HEMK2: variants seen among roughly 807,000 people sequenced by gnomAD.
The protein encoded by HEMK2 is methyltransferase HEMK2.
the HEMK2 span, among the ~76,000 whole-genome samples, chr21:28,749,379 C>T: frequency 6.6e-6 from 1 of 152,062 alleles, no homozygotes; most frequent in African/African-American, 2.4e-5. Flanking sequence ...GTGGTAAATA[C>T]TATTATTATC....
the HEMK2 span, among the ~76,000 whole-genome samples, chr21:28,830,370 T>C: frequency 6.6e-6 from 1 of 152,144 alleles, no homozygotes; most frequent in Admixed American, 6.5e-5. Flanking sequence ...TCTCTCTCTC[T>C]TTCTACCATG....
At chr21:28,814,979 C>A in the HEMK2 span, among the ~76,000 whole-genome samples, 63 of 152,202 alleles carry the variant, frequency 4.1e-4, no homozygotes, top group African/African-American at 1.2e-3. Context: ...TGGAACCAAC[C>A]CAAATGTCCA....
chr21:28,866,175 AACACACACACAC>A, the HEMK2 span, among the ~76,000 whole-genome samples: 3 of 76,236 alleles, frequency 3.9e-5, no homozygotes, highest in African/African-American at 1.5e-4. Flanking sequence ...CAAAAAAAAA[AACACACACACAC>A]AAAATTAGCC....
chr21:28,614,165 TA>T, the HEMK2 span, among the ~76,000 whole-genome samples: 1 of 152,228 alleles, frequency 6.6e-6, no homozygotes. Context: ...CAAAACTTTC[TA>T]ACCATGGTAG....
At chr21:28,843,072 T>C in the HEMK2 span, among the ~76,000 whole-genome samples, 1 of 152,200 alleles carries the variant, frequency 6.6e-6, no homozygotes, top group Admixed American at 6.5e-5. Context: ...GTTCATTTTG[T>C]CTAGTCACTA....
At chr21:28,747,016 A>C in the HEMK2 span, among the ~76,000 whole-genome samples, 1 of 152,264 alleles carries the variant, frequency 6.6e-6, no homozygotes, top group Non-Finnish European at 1.5e-5. Flanking sequence ...CAAGATACCT[A>C]GTGAGAAATC....
the HEMK2 span, among the ~76,000 whole-genome samples, chr21:28,615,495 A>G: frequency 1.3e-5 from 2 of 152,060 alleles, no homozygotes; most frequent in African/African-American, 2.4e-5. Context: ...GTTGAGTCAC[A>G]GAGCTGGAGT....
At chr21:28,617,534 T>C in the HEMK2 span, among the ~76,000 whole-genome samples, 1 of 152,192 alleles carries the variant, frequency 6.6e-6, no homozygotes, top group Non-Finnish European at 1.5e-5. Context: ...CACAATACTA[T>C]GAGTTCTCTC....
At chr21:28,756,799 TC>T in the HEMK2 span, among the ~76,000 whole-genome samples, 35 of 152,268 alleles carry the variant, frequency 2.3e-4, no homozygotes, top group Admixed American at 1.4e-3. Flanking sequence ...AACCAAAACT[TC>T]CAACAGCAAT....
At chr21:28,733,414 C>G in the HEMK2 span, among the ~76,000 whole-genome samples, 1 of 152,192 alleles carries the variant, frequency 6.6e-6, no homozygotes, top group African/African-American at 2.4e-5. Context: ...CTCAGCTAAG[C>G]ATCCACAACA....
chr21:28,690,552 T>C, the HEMK2 span, among the ~76,000 whole-genome samples: 1 of 152,122 alleles, frequency 6.6e-6, no homozygotes, highest in Admixed American at 6.5e-5. Context: ...ACAGCAATAA[T>C]AGAGAACGAA....
the HEMK2 span, among the ~76,000 whole-genome samples, chr21:28,832,974 C>T: frequency 6.6e-6 from 1 of 152,164 alleles, no homozygotes; most frequent in Non-Finnish European, 1.5e-5. Flanking sequence ...AACACATTAT[C>T]TCATTTGGTC....
chr21:28,809,802 G>T, the HEMK2 span, among the ~76,000 whole-genome samples: 1 of 152,112 alleles, frequency 6.6e-6, no homozygotes, highest in Non-Finnish European at 1.5e-5. Flanking sequence ...TAATTACAGA[G>T]TAGAATTCAT....
chr21:28,802,294 C>A, the HEMK2 span, among the ~76,000 whole-genome samples: 2 of 152,100 alleles, frequency 1.3e-5, no homozygotes, highest in Non-Finnish European at 2.9e-5. Flanking sequence ...TTGTATGTTA[C>A]CCTCTGTTGA....
the HEMK2 span, among the ~76,000 whole-genome samples, chr21:28,695,952 C>T: frequency 6.6e-6 from 1 of 151,996 alleles, no homozygotes; most frequent in Non-Finnish European, 1.5e-5. Context: ...CTGATAAAGA[C>T]ATACCCGAGA....
the HEMK2 span, among the ~76,000 whole-genome samples, chr21:28,727,483 T>C: frequency 6.6e-6 from 1 of 152,204 alleles, no homozygotes; most frequent in Admixed American, 6.5e-5. Flanking sequence ...AAATAGTTTC[T>C]AGCAACAAAA....
the HEMK2 span, among the ~76,000 whole-genome samples, chr21:28,725,262 G>C: frequency 6.6e-6 from 1 of 152,154 alleles, no homozygotes; most frequent in Non-Finnish European, 1.5e-5. Flanking sequence ...ATGTAAGTAA[G>C]TGACTTATGG....
chr21:28,708,511 C>T, the HEMK2 span, among the ~76,000 whole-genome samples: 54,378 of 151,916 alleles, frequency 0.36, 11,714 homozygotes, highest in African/African-American at 0.6. Flanking sequence ...CATGTGGGCA[C>T]AGGTTAAACA....
At chr21:28,678,772 G>A in the HEMK2 span, among the ~76,000 whole-genome samples, 2 of 152,170 alleles carry the variant, frequency 1.3e-5, no homozygotes, top group African/African-American at 2.4e-5. Flanking sequence ...TTTCAACCCA[G>A]AATTTCATAT....
Sources: allele counts gnomAD v4.1 joint callset (sites outside exome capture counted in the v4.1 genomes callset), GRCh38; gene constraint gnomAD v4.1.1; transcripts MANE v1.5; gene names NCBI Gene and HGNC (gene_info 2026-07-23, HGNC 2026-07-21).